The following ACIN1 variants were observed in gnomAD, a reference collection of about 807,000 sequenced individuals.
ACIN1 encodes apoptotic chromatin condensation inducer in the nucleus.
In ACIN1, 16 loss-of-function variants were observed where a neutral mutation model predicts 146.6. That is an observed-to-expected ratio of 0.11 (90% confidence interval 0.07 to 0.17). The LOEUF (loss-of-function observed/expected upper bound fraction) is 0.17. ACIN1 is among the 10% of genes least tolerant of loss of function. The pLI is 1.00. For missense variants in ACIN1, 1,357 were observed against 1,609.3 expected (o/e 0.84, Z 2.68); for synonymous variants, 569 against 582.7 (o/e 0.98, Z 0.34).
At chr14:23,071,207 A>G in intron 8 of ACIN1, 1 of 1,519,430 alleles carries the variant, frequency 6.6e-7, no homozygotes, top group Non-Finnish European at 8.8e-7. Flanking sequence ...AGAAATAACA[A>G]AAACCAAACA....
Position 23,069,609 on chromosome 14 carries a change from T to G in ACIN1, c.2132A>C (p.Lys711Thr), listed in dbSNP as rs1382852739. ...ACTTGTGTCCATGGTCACTTCCTCC[T>G]TCTCCTCACTGACAGGAGGGGGGAG... Reference protein sequence around the residue: ...SERIHHTVEEKEEVTMDTSEN... With the variant: ...SERIHHTVEETEEVTMDTSEN... The change falls in exon 9 of 19, where the codon AAG becomes ACG. Residue 711 changes from lysine to threonine, a missense_variant. By Grantham distance (78) the Lys-to-Thr change is moderately conservative (BLOSUM62 -1). This residue lies in a region of ACIN1 where 771 missense variants were observed against 746.6 expected (regional missense o/e 1.03). Transcript: ENST00000605057. The G allele has an allele frequency of 7.0e-7, 1 of 1,425,324 alleles. No homozygotes were observed. The highest frequency in any genetic ancestry group is 1.4e-5 in the African/African-American group (1 of 69,280). The allele number at this position is 1,425,324 out of a possible 1,614,324, so 88.3% of individuals were successfully genotyped here.
chr14:23,078,428 C>T (rs1180652721), intron 7 of ACIN1, among the ~76,000 whole-genome samples, 162 bp from the exon 8 acceptor site: 1 of 152,206 alleles, frequency 6.6e-6, no homozygotes, highest in African/African-American at 2.4e-5. Context: ...AGGAAAGGAA[C>T]ATGGCTTAAA....
intron 4 of ACIN1, among the ~76,000 whole-genome samples, chr14:23,088,359 A>C (rs1167746309): frequency 6.6e-6 from 1 of 152,198 alleles, no homozygotes; most frequent in East Asian, 1.9e-4. Context: ...TTACTAAAAG[A>C]TTTCTAGAAA....
chr14:23,067,511 G>GCC lies in ACIN1; in HGVS notation c.2266-1504_2266-1503insGG. ...CCAGGGGCGCAGGGGGGGCGGGAGG[G>GCC]AAACGTGTGGGGGGACGCTGCCCAG... On this transcript the variant is annotated intron_variant, in intron 9 of 18. Coordinates refer to ENST00000605057, the MANE Select transcript of ACIN1 (RefSeq NM_001386863.1). This position sits in a 1 kb window ranked among gnomAD's most constrained non-coding sequence, Gnocchi z 4.6. The GCC allele has an allele frequency of 4.5e-6, 1 of 221,662 alleles. No homozygotes were observed. The highest frequency in any genetic ancestry group is 7.3e-6 in the Non-Finnish European group (1 of 137,202). 13.7% of individuals were successfully genotyped at this position (221,662 alleles called of 1,614,324 possible).
Position 23,061,285 on chromosome 14 carries a change from G to A in ACIN1, c.3424+13C>T, listed in dbSNP as rs745816659. On this transcript the variant is annotated intron_variant, in intron 17 of 18. Transcript: ENST00000605057. ...TACTAGTGGGTATGCGTACCCCATAGCTAAGTACCTACCTTTCTTCTCACT... is the reference window on the plus strand; with the variant it reads ...TACTAGTGGGTATGCGTACCCCATAACTAAGTACCTACCTTTCTTCTCACT... 9 of 1,613,750 alleles carry A rather than the reference G, an allele frequency of 5.6e-6. No homozygotes were observed. Among genetic ancestry groups the A allele is most frequent in the South Asian group, 2.2e-5 (2 of 91,060 alleles).
chr14:23,081,919 C>A, intron 4 of ACIN1, 83 bp from the exon 5 acceptor site: 1 of 1,088,600 alleles, frequency 9.2e-7, no homozygotes, highest in South Asian at 1.4e-5. Context: ...TTCTAATATC[C>A]AACCAATTAT....
At chr14:23,090,400 G>C (rs1468504490) in intron 3 of ACIN1, 122 bp downstream of exon 3, 1 of 924,006 alleles carries the variant, frequency 1.1e-6, no homozygotes, top group African/African-American at 1.7e-5. Context: ...GGCTATGAAA[G>C]CAAGTAAGTA....
At chr14:23,071,689 C>CAG in intron 8 of ACIN1, 4 of 894,226 alleles carry the variant, frequency 4.5e-6, no homozygotes, top group Non-Finnish European at 6.5e-6. Context: ...GAGCCGACTG[C>CAG]TGGCTCCAGA....
At chr14:23,088,129 A>C (rs2048133976) in intron 4 of ACIN1, among the ~76,000 whole-genome samples, 1 of 152,156 alleles carries the variant, frequency 6.6e-6, no homozygotes, top group Admixed American at 6.5e-5. Context: ...TCTCACAGAG[A>C]TATGTATGCA....
upstream of ACIN1, chr14:23,095,276 C>T (rs772056401): frequency 6.3e-7 from 1 of 1,598,702 alleles, no homozygotes; most frequent in Non-Finnish European, 8.6e-7. Context: ...CGGATGTTTC[C>T]GTCTCCACAT....
At chr14:23,084,423 G>A (rs2048033163) in intron 4 of ACIN1, among the ~76,000 whole-genome samples, 1 of 152,026 alleles carries the variant, frequency 6.6e-6, no homozygotes, top group African/African-American at 2.4e-5. Flanking sequence ...TGGCCAATTA[G>A]GTAAAACCTC....
chr14:23,085,198 G>A (rs986928514), intron 4 of ACIN1, among the ~76,000 whole-genome samples: 11 of 152,098 alleles, frequency 7.2e-5, no homozygotes, highest in African/African-American at 2.7e-4. Context: ...AGTCGGGTGT[G>A]GGGGCGGGTG....
intron 18 of ACIN1, among the ~76,000 whole-genome samples, chr14:23,060,409 G>A (rs949219879): frequency 1.3e-5 from 2 of 151,900 alleles, no homozygotes; most frequent in Non-Finnish European, 2.9e-5. Flanking sequence ...ATTCCCAAAA[G>A]GCCCATTACT....
At chr14:23,091,165 A>G (rs539925859) in intron 2 of ACIN1, among the ~76,000 whole-genome samples, 1 of 152,218 alleles carries the variant, frequency 6.6e-6, no homozygotes, top group Non-Finnish European at 1.5e-5. Context: ...TCAGCCTCCC[A>G]AAGTGCTGGG....
intron 5 of ACIN1, among the ~76,000 whole-genome samples, chr14:23,081,260 T>TA (rs2047937236): frequency 8.8e-6 from 1 of 113,102 alleles, no homozygotes; most frequent in South Asian, 3.0e-4. Context: ...TCTGCCCACT[T>TA]AGTGTTATAT....
rs1158962214 is a variant in ACIN1, at chr14:23,079,786, C to T, written c.1549G>A (p.Asp517Asn). Residue 517 changes from aspartate to asparagine, a missense_variant, in exon 6 of 19, where the codon GAT becomes AAT. Transcript: ENST00000605057. ...GAGGAGGACCGGCTAGAGGATGAAT[C>T]AGCTGACTGTTTCAATCTGTGGCTT... The part of the protein sequence containing the change: ...LPSHRLKQSA[D>N]SSSSRSSSSS... The T allele has an allele frequency of 5.6e-6, 9 of 1,614,198 alleles. No individual in the cohort carries two copies. The highest frequency in any genetic ancestry group is 7.6e-6 in the Non-Finnish European group (9 of 1,180,030).
chr14:23,090,021 G>C lies in ACIN1; in HGVS notation c.397C>G (p.Leu133Val). 1 of 1,613,516 alleles carries C rather than the reference G, an allele frequency of 6.2e-7. No homozygotes were observed. Among genetic ancestry groups the C allele is most frequent in the Non-Finnish European group, 8.5e-7 (1 of 1,179,838 alleles). ...CTGAGCTCCAGCTCTGGTCTCTCCA[G>C]GCTGCTCTGAAAGTCAGGAGGCAGC... ...SLLPPDFQSSLERPELELSRH... is the reference protein window; with the variant it reads ...SLLPPDFQSSVERPELELSRH... The change falls in exon 4 of 19, where the codon CTG becomes GTG. Residue 133 changes from leucine (L) to valine (V), a missense_variant. Coordinates refer to ENST00000605057, the MANE Select transcript of ACIN1 (RefSeq NM_001386863.1).
In ACIN1 at chr14:23,080,054, G is replaced by A. The variant is rs1430497037; in HGVS notation, c.1281C>T (p.Asp427=). 1 of 1,614,054 alleles carries A rather than the reference G, an allele frequency of 6.2e-7. No homozygotes were observed. The highest frequency in any genetic ancestry group is 2.2e-5 in the East Asian group (1 of 44,890). ...GGLSPLSSPS[D]TKAESPAEKV... Reference sequence around the variant, plus strand: ...TCTCTGCTGGAGATTCTGCTTTGGTGTCTGAAGGACTTGACAAAGGAGACA... The same window carrying A: ...TCTCTGCTGGAGATTCTGCTTTGGTATCTGAAGGACTTGACAAAGGAGACA... Residue 427 remains aspartate, a synonymous_variant, in exon 6 of 19, where the codon GAC becomes GAT. Transcript: ENST00000605057.
rs745946594 is a variant in ACIN1 at position 23,064,272 on chromosome 14, C to A, written c.2443-15G>T. On this transcript the variant is annotated splice_polypyrimidine_tract_variant and intron_variant, in intron 11 of 18. Transcript: ENST00000605057. ...GGGATGAGGCTCTGGGACACAGATA[C>A]CCCCCACCCCGTTACACTGGGCCCA... 3.1e-6 allele frequency: 5 copies of A among 1,613,568 alleles called. No individual in the cohort carries two copies. The highest frequency in any genetic ancestry group is 1.7e-5 in the Admixed American group (1 of 60,010).
Sources: allele counts gnomAD v4.1 joint callset (sites outside exome capture counted in the v4.1 genomes callset), GRCh38; gene constraint gnomAD v4.1.1; regional missense constraint gnomAD v4.1.1; non-coding constraint Gnocchi (gnomAD v3.1); transcripts MANE v1.5; gene names NCBI Gene and HGNC (gene_info 2026-07-23, HGNC 2026-07-21).